The following ERBB4 variants were observed in gnomAD, a reference collection of about 807,000 sequenced individuals.
ERBB4 encodes erb-b2 receptor tyrosine kinase 4, also known as receptor tyrosine-protein kinase erbB-4.
Under a neutral mutation model 158.0 loss-of-function variants are expected in ERBB4, and 42 were observed. The observed-to-expected ratio is 0.27, with a 90% CI of 0.21 to 0.34. The LOEUF is 0.34. Ranked by LOEUF, ERBB4 falls within the 10% of genes least tolerant of loss-of-function variation. The pLI is 1.00. For missense variants in ERBB4, 1,333 were observed against 1,624.1 expected, an observed-to-expected ratio of 0.82 and a Z score of 3.08; for synonymous variants, 583 against 558.7, an observed-to-expected ratio of 1.04 and a Z score of -0.61.
At chr2:211,837,602 T>A (rs2077369842) in intron 3 of ERBB4, among the ~76,000 whole-genome samples, 1 of 152,104 alleles carries the variant, frequency 6.6e-6, no homozygotes, top group East Asian at 1.9e-4. Flanking sequence ...TAGGGTTGAA[T>A]CTCCTTCTCA....
At chr2:212,491,398 A>G (rs2106201287) in intron 1 of ERBB4, among the ~76,000 whole-genome samples, 1 of 151,736 alleles carries the variant, frequency 6.6e-6, no homozygotes, top group Non-Finnish European at 1.5e-5. Context: ...ACCATTTTGA[A>G]GGCAATAGAT....
intron 25 of ERBB4, among the ~76,000 whole-genome samples, chr2:211,397,747 G>A (rs113159753): frequency 0.029 from 4,419 of 152,204 alleles, 229 homozygotes; most frequent in African/African-American, 0.097. Context: ...CCCCGGCTCC[G>A]TGGAAAATAG....
In ERBB4 at chr2:211,930,900, A is replaced by T. The variant is rs1180640544; in HGVS notation, c.421+16530T>A. On this transcript the variant is annotated intron_variant, in intron 3 of 27. Transcript: ENST00000342788. ...CATTTTATTGTGGAATGGAGATTTA[A>T]AAGGGAGCAATGATTAATGACTTTC... 2.6e-5 allele frequency among the ~76,000 whole-genome samples: 4 copies of T among 152,296 alleles called. No homozygotes were observed. The East Asian group carries it at 7.7e-4, about 29-fold the overall frequency.
intron 19 of ERBB4, among the ~76,000 whole-genome samples, chr2:211,618,045 A>C (rs1302283426): frequency 1.3e-5 from 2 of 152,040 alleles, no homozygotes; most frequent in East Asian, 3.9e-4. Context: ...GGAAATCTTC[A>C]AGTTCTGATT....
At chr2:211,407,613 T>C (rs1217620529) in intron 25 of ERBB4, among the ~76,000 whole-genome samples, 1 of 152,222 alleles carries the variant, frequency 6.6e-6, no homozygotes, top group Non-Finnish European at 1.5e-5. Flanking sequence ...TCATAGTATT[T>C]GGAATTTTTC....
At chr2:211,401,828 TC>T (rs2063049310) in intron 25 of ERBB4, among the ~76,000 whole-genome samples, 1 of 151,986 alleles carries the variant, frequency 6.6e-6, no homozygotes, top group Admixed American at 6.6e-5. Flanking sequence ...TTTTCACATA[TC>T]CTTTACCCTA....
At position 212,175,497 on chromosome 2, in the gene ERBB4, G is replaced by A. The variant is rs546730219; in HGVS notation, c.83-50594C>T. Among the ~76,000 whole-genome samples the A allele has an allele frequency of 5.9e-5, 9 of 151,916 alleles. No individual in the cohort carries two copies. The East Asian group carries it at 9.7e-4, about 16-fold the overall frequency. ...AGATTTTCTATCATTAAGAAGGCAAGAACAGAGAATTTAAATAACTTTCAA... is the reference window on the plus strand; with the variant it reads ...AGATTTTCTATCATTAAGAAGGCAAAAACAGAGAATTTAAATAACTTTCAA... On this transcript the variant is annotated intron_variant, in intron 1 of 27. Transcript: ENST00000342788.
chr2:211,806,014 A>T (rs1404327171), intron 3 of ERBB4, among the ~76,000 whole-genome samples: 1 of 152,090 alleles, frequency 6.6e-6, no homozygotes, highest in Non-Finnish European at 1.5e-5. Context: ...ATTACAAGTT[A>T]TAGAGAGAAG....
chr2:212,094,314 C>G (rs532526254), intron 2 of ERBB4, among the ~76,000 whole-genome samples: 1 of 149,840 alleles, frequency 6.7e-6, no homozygotes, highest in Non-Finnish European at 1.5e-5. Context: ...CAAGGAAAAA[C>G]AAAAAGAATA....
chr2:211,542,775 G>A (rs73073183), intron 20 of ERBB4, among the ~76,000 whole-genome samples: 20,100 of 151,698 alleles, frequency 0.13, 2,116 homozygotes, highest in African/African-American at 0.3. Context: ...AAGTGCTTTA[G>A]AATTATTAAT....
chr2:211,793,232 AGT>A (rs1208816561), intron 3 of ERBB4, among the ~76,000 whole-genome samples: 1 of 151,914 alleles, frequency 6.6e-6, no homozygotes, highest in Non-Finnish European at 1.5e-5. Context: ...CGATATTATC[AGT>A]GAACATTTTA....
At chr2:212,155,652 T>TG (rs964700035) in intron 1 of ERBB4, among the ~76,000 whole-genome samples, 49 of 152,100 alleles carry the variant, frequency 3.2e-4, no homozygotes, top group African/African-American at 1.1e-3. Context: ...GAGCTTGAGA[T>TG]GGGAAAAAAA....
chr2:211,622,977 AAAAAAAAAAAAAAATATATATATATATAT>A, intron 18 of ERBB4, among the ~76,000 whole-genome samples: 1 of 50,460 alleles, frequency 2.0e-5, no homozygotes, highest in Non-Finnish European at 3.4e-5. Flanking sequence ...AAAAAAAAAA[AAAAAAAAAAAAAAATATATATATATATAT>A]ATATATATAT....
intron 20 of ERBB4, among the ~76,000 whole-genome samples, chr2:211,440,118 T>TAC (rs1367974235): frequency 6.6e-6 from 1 of 152,200 alleles, no homozygotes; most frequent in Non-Finnish European, 1.5e-5. Context: ...GCTTTCTCAC[T>TAC]ACATTGTGAG....
intron 27 of ERBB4, among the ~76,000 whole-genome samples, chr2:211,384,666 C>CAGAT (rs374762551): frequency 0.012 from 1,868 of 152,206 alleles, 37 homozygotes; most frequent in African/African-American, 0.041. Flanking sequence ...GCAAATCTAA[C>CAGAT]AGATAGCTAA....
intron 2 of ERBB4, among the ~76,000 whole-genome samples, chr2:212,064,936 T>C (rs778247839): frequency 6.6e-6 from 1 of 151,978 alleles, no homozygotes; most frequent in Non-Finnish European, 1.5e-5. Context: ...CTGAAGTTTC[T>C]AATTAACTCT....
At position 211,375,865 on chromosome 2, in the gene ERBB4, TA is replaced by T. The variant is rs2062463737; in HGVS notation, c.*7749del. On this transcript the variant is annotated 3_prime_UTR_variant, in exon 28 of 28. Coordinates refer to ENST00000342788, the MANE Select transcript of ERBB4 (RefSeq NM_005235.3). The stretch of plus-strand genomic sequence containing the variant: ...ATGAGGCAAAGCAGTTCGCATTCTA[TA>T]ATTGCCTTGTACAGGTACAATTCTT... 4.3e-6 allele frequency: 1 copy of T among 232,814 alleles called. No homozygotes were observed. Among genetic ancestry groups the T allele is most frequent in the East Asian group, 6.1e-5 (1 of 16,452 alleles). 14.4% of individuals were successfully genotyped at this position (232,814 alleles called of 1,614,324 possible).
intron 20 of ERBB4, among the ~76,000 whole-genome samples, chr2:211,447,931 G>C (rs1595069): frequency 0.8 from 121,943 of 152,082 alleles, 49,361 homozygotes; most frequent in African/African-American, 0.91. Context: ...GGGGTTTGGT[G>C]AGTAAGGAAG....
At chr2:211,840,047 C>G (rs1244966659) in intron 3 of ERBB4, among the ~76,000 whole-genome samples, 1 of 152,042 alleles carries the variant, frequency 6.6e-6, no homozygotes, top group Non-Finnish European at 1.5e-5. Flanking sequence ...AAGAGGATGA[C>G]AGTGAAGCTC....
Sources: allele counts gnomAD v4.1 joint callset (sites outside exome capture counted in the v4.1 genomes callset), GRCh38; gene constraint gnomAD v4.1.1; transcripts MANE v1.5; gene names NCBI Gene and HGNC (gene_info 2026-07-23, HGNC 2026-07-21).